The following FAM98A variants were observed in gnomAD, a reference collection of about 807,000 sequenced individuals.
The protein encoded by FAM98A is protein FAM98A.
A neutral mutation model predicts 62.9 loss-of-function variants in FAM98A; 25 were observed. The ratio of observed to expected loss-of-function variants is 0.40; its 90% CI spans 0.29 to 0.56. The LOEUF (loss-of-function observed/expected upper bound fraction) is 0.56. Among genes scored for constraint, FAM98A ranks in the 20% least tolerant of loss-of-function variants. The pLI, the probability that FAM98A is intolerant of heterozygous loss-of-function variation, is 0.51. For missense variants in FAM98A, 653 were observed against 640.7 expected (o/e 1.02, Z -0.21); for synonymous variants, 252 against 228.6 (o/e 1.10, Z -0.92).
At chr2:33,589,981 T>C (rs1490262268) in intron 3 of FAM98A, 4 of 152,188 alleles carry the variant, frequency 2.6e-5, no homozygotes, top group Non-Finnish European at 5.9e-5. Flanking sequence ...TGGGATAACA[T>C]AGTTCAGGTA....
chr2:33,585,438 T>C lies in FAM98A; in HGVS notation c.895A>G (p.Met299Val), dbSNP rs774113667. Residue 299 changes from methionine (M) to valine (V), a missense_variant, in exon 8 of 8, where the codon ATG becomes GTG. Coordinates refer to ENST00000238823, the MANE Select transcript of FAM98A (RefSeq NM_015475.5). Reference protein sequence around the residue: ...KTACAINKVLMGRVPDRGGRP... With the variant: ...KTACAINKVLVGRVPDRGGRP... ...CCACCTCTGTCAGGCACCCTGCCCA[T>C]CAACACCTACAGAATAGGAAAGATA... The C allele has an allele frequency of 1.2e-6, 2 of 1,614,002 alleles. No individual in the cohort carries two copies. Among genetic ancestry groups the C allele is most frequent in the Non-Finnish European group, 1.7e-6 (2 of 1,180,000 alleles).
At position 33,584,758 on chromosome 2, in the gene FAM98A, A is replaced by G; in HGVS notation, c.*18T>C. 6.4e-7 allele frequency: 1 copy of G among 1,558,676 alleles called. No homozygotes were observed. The highest frequency in any genetic ancestry group is 2.3e-5 in the East Asian group (1 of 44,064). ...TTTCTATTACTTGAGCTCTAGCAAA[A>G]TGTAAGGTTCGGTAGCCTCAACTAG... On this transcript the variant is annotated 3_prime_UTR_variant, in exon 8 of 8. Coordinates refer to ENST00000238823, the MANE Select transcript of FAM98A (RefSeq NM_015475.5).
At chr2:33,587,387 C>T in intron 4 of FAM98A, 67 bp from the exon 5 acceptor site, 1 of 1,156,760 alleles carries the variant, frequency 8.6e-7, no homozygotes, top group Non-Finnish European at 1.3e-6. Flanking sequence ...TTCCCAATTC[C>T]CATCATATCT....
intron 1 of FAM98A, among the ~76,000 whole-genome samples, chr2:33,598,624 G>A (rs1485203888): frequency 6.6e-6 from 1 of 152,174 alleles, no homozygotes; most frequent in East Asian, 1.9e-4. Context: ...TAGGTTAGAT[G>A]CACAAGCGAG....
Position 33,595,504 on chromosome 2 carries a change from C to T in FAM98A, c.187G>A (p.Val63Met). The T allele has an allele frequency of 2.5e-6, 4 of 1,604,580 alleles. No homozygotes were observed. Among genetic ancestry groups the T allele is most frequent in the Non-Finnish European group, 3.4e-6 (4 of 1,176,514 alleles). ...GTTTACTTACTGTTAGTTGCTTGCA[C>T]GTTTTCCTCTAGTTTACAGAGCACT... The part of the protein sequence containing the change: ...LRVLCKLEEN[V>M]QATNSPSEAE... The change falls in exon 2 of 8, where the codon GTG (valine) becomes ATG (methionine). Residue 63 changes from valine to methionine, a missense_variant. Coordinates refer to ENST00000238823, the MANE Select transcript of FAM98A (RefSeq NM_015475.5).
intron 5 of FAM98A, 37 bp from the exon 6 acceptor site, chr2:33,586,715 T>C (rs1193218816): frequency 7.4e-7 from 1 of 1,342,742 alleles, no homozygotes; most frequent in African/African-American, 1.4e-5. Context: ...AGAGTTTAAA[T>C]CTGCTTGATT....
At chr2:33,594,598 C>T (rs1366581195) in intron 2 of FAM98A, among the ~76,000 whole-genome samples, 1 of 131,212 alleles carries the variant, frequency 7.6e-6, no homozygotes, top group South Asian at 2.4e-4. Context: ...CACACACACA[C>T]ACATACATAC....
Position 33,584,964 on chromosome 2 carries a change from G to C in FAM98A, c.1369C>G (p.Arg457Gly), listed in dbSNP as rs1282981920. 5.0e-6 allele frequency: 8 copies of C among 1,613,248 alleles called. No homozygotes were observed. Among genetic ancestry groups the C allele is most frequent in the Non-Finnish European group, 6.8e-6 (8 of 1,179,786 alleles). ...CCTCGCCCACCACGACCACCACCAC[G>C]ATCACCATGGTGCCCGCCATCTTGG... ...RYQDGGHHGD[R>G]GGGRGGRGGR... The change falls in exon 8 of 8, where the codon CGT becomes GGT. Residue 457 changes from arginine to glycine, a missense_variant. By Grantham distance (125) the Arg-to-Gly change is moderately radical (BLOSUM62 -2). Coordinates refer to ENST00000238823, the MANE Select transcript of FAM98A (RefSeq NM_015475.5).
intron 5 of FAM98A, chr2:33,586,936 C>T (rs1412461266): frequency 1.9e-6 from 1 of 521,740 alleles, no homozygotes; most frequent in Non-Finnish European, 3.4e-6. Context: ...AAGCTCAGCC[C>T]AGTGAAGTTT....
chr2:33,592,358 T>G (rs1677690214), intron 2 of FAM98A, 144 bp from the exon 3 acceptor site: 1 of 664,910 alleles, frequency 1.5e-6, no homozygotes, highest in Non-Finnish European at 2.4e-6. Context: ...CTTACACCAC[T>G]GCAAAGTTTC....
intron 1 of FAM98A, among the ~76,000 whole-genome samples, chr2:33,597,372 T>C (rs1469224420): frequency 1.3e-5 from 2 of 152,176 alleles, no homozygotes; most frequent in African/African-American, 4.8e-5. Context: ...AATTCTAATA[T>C]TTCTCAGTTA....
intron 3 of FAM98A, among the ~76,000 whole-genome samples, chr2:33,590,466 T>C (rs776012498): frequency 6.6e-6 from 1 of 152,168 alleles, no homozygotes; most frequent in African/African-American, 2.4e-5. Context: ...AATATTTACA[T>C]AGACCAAGTC....
At chr2:33,585,770 TA>T in intron 6 of FAM98A, 73 bp from the exon 7 acceptor site, 1 of 1,339,772 alleles carries the variant, frequency 7.5e-7, no homozygotes, top group Admixed American at 2.0e-5. Flanking sequence ...TTAAATAAGT[TA>T]AAGGTCTCCA....
At chr2:33,597,014 A>G (rs990768628) in intron 1 of FAM98A, among the ~76,000 whole-genome samples, 1 of 152,184 alleles carries the variant, frequency 6.6e-6, no homozygotes, top group South Asian at 2.1e-4. Context: ...CAAAATGAAA[A>G]CAAATCATAC....
rs1036435912 is a variant in FAM98A at position 33,585,194 on chromosome 2, T to C, written c.1139A>G (p.Gln380Arg). The change falls in exon 8 of 8, where the codon CAA becomes CGA. Residue 380 changes from glutamine to arginine, a missense_variant. Transcript: ENST00000238823. ...ACTCCCTCCATCTGTCCAGCCTCCT[T>C]GATGCTTATTTCCTCTTCCTCCCCC... ...GRGGGRGNKH[Q>R]GGWTDGGSGG... 6.2e-7 allele frequency: 1 copy of C among 1,613,968 alleles called. No homozygotes were observed. Among genetic ancestry groups the C allele is most frequent in the Non-Finnish European group, 8.5e-7 (1 of 1,180,014 alleles).
At chr2:33,597,420 T>C (rs866359069) in intron 1 of FAM98A, among the ~76,000 whole-genome samples, 2 of 152,238 alleles carry the variant, frequency 1.3e-5, no homozygotes, top group Non-Finnish European at 2.9e-5. Flanking sequence ...TAAGGCTGAC[T>C]TTTAATATTT....
rs774397121 is a variant in FAM98A at position 33,599,263 on chromosome 2, C to T, written c.-42G>A. On this transcript the variant is annotated 5_prime_UTR_variant, in exon 1 of 8. Transcript: ENST00000238823. ...AATTTCCGAGTCGTCAGGCTCCCCT[C>T]TTCGCCGGCAACGCGTACACTCGCG... The T allele has an allele frequency of 1.3e-6, 2 of 1,556,240 alleles. No individual in the cohort carries two copies. The highest frequency in any genetic ancestry group is 2.2e-5 in the South Asian group (2 of 89,858).
At position 33,592,655 on chromosome 2, in the gene FAM98A, G is replaced by A. The variant is rs371830630; in HGVS notation, c.203-441C>T. Among the ~76,000 whole-genome samples, 3 of 152,330 alleles carry A rather than the reference G, an allele frequency of 2.0e-5. No individual in the cohort carries two copies. In the East Asian group the frequency reaches 5.8e-4, roughly 29 times the overall value. ...CAAGTGCTGGGATTACTACAGGCAT[G>A]AGCCACTGCTCCCAATCTAAAATTT... On this transcript the variant is annotated intron_variant, in intron 2 of 7. Coordinates refer to ENST00000238823, the MANE Select transcript of FAM98A (RefSeq NM_015475.5).
In FAM98A at chr2:33,588,577, T is replaced by A. The variant is rs1168335057; in HGVS notation, c.338-58A>T. Reference sequence around the variant, plus strand: ...ATACAGCTATAGTTATAGTCATAAGTCTGGAGTCACAACTATATAGACCTA... The same window carrying A: ...ATACAGCTATAGTTATAGTCATAAGACTGGAGTCACAACTATATAGACCTA... On this transcript the variant is annotated intron_variant, in intron 3 of 7. Coordinates refer to ENST00000238823, the MANE Select transcript of FAM98A (RefSeq NM_015475.5). The A allele has an allele frequency of 2.1e-6, 3 of 1,449,028 alleles. No individual in the cohort carries two copies. The African/African-American group carries it at 4.2e-5, about 20-fold the overall frequency. The allele number at this position is 1,449,028 out of a possible 1,614,324, so 89.8% of individuals were successfully genotyped here.
Sources: allele counts gnomAD v4.1 joint callset (sites outside exome capture counted in the v4.1 genomes callset), GRCh38; gene constraint gnomAD v4.1.1; transcripts MANE v1.5; gene names NCBI Gene and HGNC (gene_info 2026-07-23, HGNC 2026-07-21).